Variants in NPAT observed in about 807,000 individuals in gnomAD.
NPAT encodes the protein nuclear protein, coactivator of histone transcription.
In NPAT, 52 loss-of-function variants were observed where a neutral mutation model predicts 130.7. The ratio of observed to expected loss-of-function variants is 0.40; its 90% confidence interval spans 0.32 to 0.50. The LOEUF (loss-of-function observed/expected upper bound fraction) is 0.50, where lower values mean the gene tolerates loss of function less well. Among genes scored for constraint, NPAT ranks in the 20% least tolerant of loss-of-function variants. NPAT has a pLI of 0.68. For synonymous variants in NPAT, 580 were observed against 584.8 expected, an observed-to-expected ratio of 0.99 and a Z score of 0.12; for missense variants, 1,687 against 1,662.6, an observed-to-expected ratio of 1.01 and a Z score of -0.26.
At chr11:108,186,835 T>C (rs1340233767) in intron 7 of NPAT, among the ~76,000 whole-genome samples, 5 of 152,166 alleles carry the variant, frequency 3.3e-5, no homozygotes, top group African/African-American at 1.2e-4. Flanking sequence ...TTAATCTGTG[T>C]TCGGTTGAAA....
intron 1 of NPAT, among the ~76,000 whole-genome samples, chr11:108,208,987 T>TA (rs1194963544): frequency 2.0e-5 from 3 of 152,252 alleles, no homozygotes; most frequent in Admixed American, 1.3e-4. Context: ...CACCTGTATT[T>TA]AAAAAAGAGA....
intron 3 of NPAT, 140 bp from the exon 4 acceptor site, chr11:108,192,330 A>T (rs2078178081): frequency 4.3e-6 from 3 of 697,140 alleles, no homozygotes; most frequent in Non-Finnish European, 7.8e-6. Flanking sequence ...TATGTTGTAA[A>T]ATAGCTTGCA....
At chr11:108,181,017 G>A (rs1416896043) in intron 10 of NPAT, among the ~76,000 whole-genome samples, 1 of 152,194 alleles carries the variant, frequency 6.6e-6, no homozygotes, top group Non-Finnish European at 1.5e-5. Context: ...TAGAATGGTG[G>A]TTGGCAGGGG....
In NPAT at chr11:108,197,329, A is replaced by C; in HGVS notation, c.129T>G (p.Asp43Glu). ...GTAAGCAGGCTGGAATAAACCCTTC[A>C]TCTGTACAATGTTCTGCATATTCTT... ...DLKEYAEHCTDEGFIPACLLS... is the reference protein window; with the variant it reads ...DLKEYAEHCTEEGFIPACLLS... The change falls in exon 2 of 18, where the codon GAT (aspartate) becomes GAG (glutamate). Residue 43 changes from aspartate to glutamate, a missense_variant. Physicochemically the swap from Asp to Glu is conservative, Grantham distance 45 (BLOSUM62 2). Around this residue, in one of 3 missense-constraint regions of NPAT, gnomAD observed 307 missense variants for 298.9 expected, o/e 1.03. Transcript: ENST00000278612. 6.2e-7 allele frequency: 1 copy of C among 1,610,134 alleles called. No individual in the cohort carries two copies. Among genetic ancestry groups the C allele is most frequent in the East Asian group, 2.2e-5 (1 of 44,822 alleles).
chr11:108,198,744 C>T (rs1306957001), intron 1 of NPAT, among the ~76,000 whole-genome samples: 2 of 152,198 alleles, frequency 1.3e-5, no homozygotes, highest in Non-Finnish European at 1.5e-5. Context: ...CTCAACCACA[C>T]ATGGGGACTA....
intron 1 of NPAT, among the ~76,000 whole-genome samples, chr11:108,204,673 C>G (rs1352928074): frequency 6.6e-6 from 1 of 152,238 alleles, no homozygotes; most frequent in African/African-American, 2.4e-5. Flanking sequence ...CAGGGCCAAG[C>G]AGGCCCAGGA....
At chr11:108,202,600 T>A (rs565990300) in intron 1 of NPAT, among the ~76,000 whole-genome samples, 1 of 152,108 alleles carries the variant, frequency 6.6e-6, no homozygotes, top group Non-Finnish European at 1.5e-5. Flanking sequence ...AACCTATCAA[T>A]TGGCCCAAAT....
Position 108,162,842 on chromosome 11 carries a change from T to C in NPAT, c.3011-662A>G, listed in dbSNP as rs77946547. The stretch of plus-strand genomic sequence containing the variant: ...CACTTAAAGAAAACAACAGATTATA[T>C]CTATTTTAAAATTCTGTCCCGGTAC... On this transcript the variant is annotated intron_variant, in intron 15 of 17. Transcript: ENST00000278612. 2.4e-3 allele frequency among the ~76,000 whole-genome samples: 373 copies of C among 152,250 alleles called. 1 individual carries two copies. The highest frequency in any genetic ancestry group is 8.3e-3 in the African/African-American group (346 of 41,538).
intron 1 of NPAT, among the ~76,000 whole-genome samples, chr11:108,219,517 A>T (rs779373426): frequency 6.6e-6 from 1 of 152,250 alleles, no homozygotes; most frequent in Non-Finnish European, 1.5e-5. Context: ...ACAGAAGGTA[A>T]CAAATCTATT....
chr11:108,188,207 G>C, intron 6 of NPAT, 28 bp from the exon 7 acceptor site: 1 of 1,541,662 alleles, frequency 6.5e-7, no homozygotes, highest in Non-Finnish European at 9.0e-7. Flanking sequence ...ATAACAGTAA[G>C]CCAAAGAAAC....
intron 12 of NPAT, among the ~76,000 whole-genome samples, chr11:108,174,580 A>G (rs1565312309): frequency 6.6e-6 from 1 of 150,828 alleles, no homozygotes; most frequent in East Asian, 1.9e-4. Context: ...AAAAAAAAAA[A>G]AAAGAGTATG....
In NPAT at chr11:108,173,222, C is replaced by T. The variant is rs2077971698; in HGVS notation, c.1762G>A (p.Val588Ile). ...SKIEINVLEP[V>I]MSQLSNCQDN... ...TGGCAATTTGATAGCTGTGACATAA[C>T]TGGTTCTAACACATTAATTTCTATT... The change falls in exon 13 of 18, where the codon GTT (valine) becomes ATT (isoleucine). Residue 588 changes from valine (V) to isoleucine (I), a missense_variant. Coordinates refer to ENST00000278612, the MANE Select transcript of NPAT (RefSeq NM_002519.3). 2 of 1,613,494 alleles carry T rather than the reference C, an allele frequency of 1.2e-6. No homozygotes were observed. The highest frequency in any genetic ancestry group is 8.5e-7 in the Non-Finnish European group (1 of 1,179,700).
chr11:108,179,828 A>C (rs1591395450), intron 10 of NPAT, among the ~76,000 whole-genome samples: 2 of 152,122 alleles, frequency 1.3e-5, no homozygotes, highest in East Asian at 3.9e-4. Context: ...AGAAATCATA[A>C]GGGAAAAGCT....
At chr11:108,167,292 G>C (rs921252007) in intron 15 of NPAT, among the ~76,000 whole-genome samples, 1 of 152,142 alleles carries the variant, frequency 6.6e-6, no homozygotes, top group African/African-American at 2.4e-5. Context: ...CTTACTTACA[G>C]CCTCAACCTC....
rs1036364067 is a variant in NPAT, at chr11:108,185,331, G to T, written c.819-12C>A. 2.5e-6 allele frequency: 4 copies of T among 1,598,354 alleles called. No individual in the cohort carries two copies. The highest frequency in any genetic ancestry group is 3.4e-6 in the Non-Finnish European group (4 of 1,168,118). On this transcript the variant is annotated splice_polypyrimidine_tract_variant and intron_variant, in intron 9 of 17. Coordinates refer to ENST00000278612, the MANE Select transcript of NPAT (RefSeq NM_002519.3). ...CAATATTGTTATCACTGTTAATAAA[G>T]AAAGAAAAATCTTTATTATAGTTAT...
chr11:108,188,315 A>C, intron 6 of NPAT, 136 bp from the exon 7 acceptor site: 3 of 709,124 alleles, frequency 4.2e-6, no homozygotes, highest in Non-Finnish European at 7.5e-6. Context: ...ACCATGTGTA[A>C]AGCATGGTAA....
chr11:108,173,715 T>A lies in NPAT; in HGVS notation c.1269A>T (p.Ile423=). 1 of 1,614,200 alleles carries A rather than the reference T, an allele frequency of 6.2e-7. No homozygotes were observed. Among genetic ancestry groups the A allele is most frequent in the Non-Finnish European group, 8.5e-7 (1 of 1,180,030 alleles). ...CAGCTGTTTTAAAGGCCTTTTTCTG[T>A]ATGCTGGTACTTATTTGGGAAAAAT... The part of the protein sequence containing the change: ...QENFSQISTS[I]QKKAFKTAVP... The change falls in exon 13 of 18, where the codon ATA becomes ATT. Residue 423 remains isoleucine, a synonymous_variant. Coordinates refer to ENST00000278612, the MANE Select transcript of NPAT (RefSeq NM_002519.3).
chr11:108,190,585 T>G, intron 4 of NPAT, 85 bp from the exon 5 acceptor site: 1 of 1,266,758 alleles, frequency 7.9e-7, no homozygotes. Context: ...AGACCTCAAG[T>G]TAGTTATGAG....
chr11:108,212,186 T>C (rs375956457), intron 1 of NPAT, among the ~76,000 whole-genome samples: 4 of 151,888 alleles, frequency 2.6e-5, no homozygotes, highest in Non-Finnish European at 4.4e-5. Context: ...CTATTCAACA[T>C]TGCATGTATC....
Sources: allele counts gnomAD v4.1 joint callset (sites outside exome capture counted in the v4.1 genomes callset), GRCh38; gene constraint gnomAD v4.1.1; regional missense constraint gnomAD v4.1.1; transcripts MANE v1.5; gene names NCBI Gene and HGNC (gene_info 2026-07-23, HGNC 2026-07-21).